Variants in EPB41L3 observed in about 807,000 individuals in gnomAD.
EPB41L3 encodes the protein erythrocyte membrane protein band 4.1 like 3.
Under a neutral mutation model 127.1 loss-of-function variants are expected in EPB41L3, and 57 were observed. That is an observed-to-expected ratio of 0.45 (90% CI 0.36 to 0.56). The LOEUF (loss-of-function observed/expected upper bound fraction) is 0.56. Ranked by LOEUF, EPB41L3 falls within the 20% of genes least tolerant of loss-of-function variation. EPB41L3 has a pLI of 0.00. For synonymous variants in EPB41L3, 572 were observed against 549.5 expected (o/e 1.04, Z -0.57); for missense variants, 1,273 against 1,372.2 (o/e 0.93, Z 1.14).
chr18:5,563,680 G>A (rs1196692113), intron 3 of EPB41L3, among the ~76,000 whole-genome samples: 1 of 152,114 alleles, frequency 6.6e-6, no homozygotes. Context: ...TCTAGCTTAG[G>A]TAACTGCTGG....
chr18:5,465,480 C>T (rs567774606), intron 3 of EPB41L3, among the ~76,000 whole-genome samples: 12 of 152,194 alleles, frequency 7.9e-5, no homozygotes, highest in African/African-American at 2.9e-4. Flanking sequence ...AGGTTCTGAT[C>T]CTATTTTCAT....
intron 1 of EPB41L3, among the ~76,000 whole-genome samples, chr18:5,500,259 T>C (rs1266542014): frequency 6.6e-6 from 1 of 152,218 alleles, no homozygotes; most frequent in East Asian, 1.9e-4. Flanking sequence ...GCCAATTCTA[T>C]TCAGAGAAGA....
intron 1 of EPB41L3, among the ~76,000 whole-genome samples, chr18:5,622,263 TG>T (rs1223740179): frequency 6.6e-6 from 1 of 152,210 alleles, no homozygotes; most frequent in Admixed American, 6.5e-5. Context: ...ATGCATTATA[TG>T]ACAAAAAGAT....
intron 16 of EPB41L3, among the ~76,000 whole-genome samples, chr18:5,401,638 C>T (rs2074510899): frequency 1.3e-5 from 2 of 152,048 alleles, no homozygotes; most frequent in Admixed American, 1.3e-4. Flanking sequence ...ACTTTTATAA[C>T]ATGGTTAATA....
At chr18:5,430,484 G>A (rs746376246) in intron 8 of EPB41L3, among the ~76,000 whole-genome samples, 21 of 150,706 alleles carry the variant, frequency 1.4e-4, no homozygotes, top group Non-Finnish European at 1.6e-4. Context: ...TTAATCGCAC[G>A]GCAAAAAAAA....
intron 1 of EPB41L3, among the ~76,000 whole-genome samples, chr18:5,529,926 A>ATATG (rs147818372): frequency 2.2e-5 from 2 of 91,506 alleles, no homozygotes; most frequent in African/African-American, 8.5e-5. Context: ...ATCAACTCAT[A>ATATG]TATGTGTGTG....
intron 1 of EPB41L3, among the ~76,000 whole-genome samples, chr18:5,620,615 A>C (rs1031631692): frequency 1.3e-5 from 2 of 152,210 alleles, no homozygotes; most frequent in Admixed American, 6.5e-5. Flanking sequence ...GTAACATGAC[A>C]ATATTCCCCA....
intron 3 of EPB41L3, among the ~76,000 whole-genome samples, chr18:5,551,519 G>A (rs928643536): frequency 2.6e-5 from 4 of 152,086 alleles, no homozygotes; most frequent in African/African-American, 9.7e-5. Context: ...GAGCCCAGGA[G>A]TTTGAGTCCA....
intron 3 of EPB41L3, among the ~76,000 whole-genome samples, chr18:5,470,799 T>C (rs185499578): frequency 6.6e-6 from 1 of 152,194 alleles, no homozygotes; most frequent in Admixed American, 6.5e-5. Flanking sequence ...TAGAAAGAAG[T>C]CGGGTAAAGC....
At chr18:5,472,410 T>C (rs2086316610) in intron 3 of EPB41L3, among the ~76,000 whole-genome samples, 1 of 152,148 alleles carries the variant, frequency 6.6e-6, no homozygotes, top group Non-Finnish European at 1.5e-5. Flanking sequence ...GATGGGGCCA[T>C]TTGGTTACAG....
At chr18:5,473,674 T>C (rs2086590974) in intron 3 of EPB41L3, among the ~76,000 whole-genome samples, 1 of 152,110 alleles carries the variant, frequency 6.6e-6, no homozygotes, top group African/African-American at 2.4e-5. Context: ...CTCCATTGCA[T>C]GGAACAGAGA....
intron 15 of EPB41L3, 172 bp from the exon 16 acceptor site, chr18:5,407,140 C>A: frequency 1.7e-6 from 1 of 601,212 alleles, no homozygotes; most frequent in Non-Finnish European, 2.9e-6. Context: ...TGTGATTTTC[C>A]CATGGAAAGG....
chr18:5,567,645 GAAGA>G (rs1221302132), intron 3 of EPB41L3, among the ~76,000 whole-genome samples: 1 of 151,960 alleles, frequency 6.6e-6, no homozygotes, highest in Admixed American at 6.6e-5. Flanking sequence ...AGGAAGGAAG[GAAGA>G]AAGGAAGGAA....
intron 13 of EPB41L3, among the ~76,000 whole-genome samples, chr18:5,410,957 A>G (rs1428044853): frequency 1.3e-5 from 2 of 152,178 alleles, no homozygotes; most frequent in Non-Finnish European, 2.9e-5. Flanking sequence ...ACCTCAAGCA[A>G]CATCTCCTTA....
intron 4 of EPB41L3, 94 bp downstream of exon 4, chr18:5,445,046 G>A (rs2081287636): frequency 2.3e-6 from 2 of 863,300 alleles, no homozygotes; most frequent in African/African-American, 1.7e-5. Flanking sequence ...GAAGGGAGGT[G>A]GAGAAAGTGA....
chr18:5,469,445 GCA>G (rs1303258236), intron 3 of EPB41L3, among the ~76,000 whole-genome samples: 2 of 145,998 alleles, frequency 1.4e-5, no homozygotes, highest in Non-Finnish European at 3.1e-5. Context: ...ATAGCAGCCA[GCA>G]TGCCTGGCTG....
intron 3 of EPB41L3, 142 bp downstream of exon 3, chr18:5,478,099 G>C: frequency 3.1e-6 from 2 of 648,442 alleles, no homozygotes; most frequent in Non-Finnish European, 2.5e-6. Context: ...TTACAGACTA[G>C]GGAAATAATT....
intron 2 of EPB41L3, among the ~76,000 whole-genome samples, chr18:5,481,539 C>T (rs2088516131): frequency 6.6e-6 from 1 of 152,138 alleles, no homozygotes; most frequent in African/African-American, 2.4e-5. Context: ...GGAGACCTGC[C>T]CTTGCCTTAA....
chr18:5,396,198 C>T lies in EPB41L3; in HGVS notation c.2973+3G>A. 1.2e-6 allele frequency: 2 copies of T among 1,614,060 alleles called. No homozygotes were observed. The highest frequency in any genetic ancestry group is 1.7e-6 in the Non-Finnish European group (2 of 1,179,916). On this transcript the variant is annotated splice_donor_region_variant and intron_variant, in intron 19 of 22. Transcript: ENST00000341928. ...GGGCTCTGGTCTTCACAGAATATCT[C>T]ACCTGTGATGATTCATATGTGATGG... is the stretch of plus-strand genomic sequence containing the variant.
Sources: gnomAD v4.1 joint callset for allele counts (sites outside exome capture counted in the v4.1 genomes callset) on GRCh38, gnomAD v4.1.1 for gene constraint, MANE v1.5 for transcripts, NCBI Gene and HGNC (gene_info 2026-07-23, HGNC 2026-07-21) for gene names.